Variants in AP3B1 observed in about 807,000 individuals in gnomAD.
AP3B1 encodes AP-3 complex subunit beta-1.
A neutral mutation model predicts 132.5 loss-of-function variants in AP3B1; 61 were observed. The observed-to-expected ratio is 0.46, with a 90% CI of 0.37 to 0.57. The LOEUF is 0.57. Among genes scored for constraint, AP3B1 ranks in the 20% least tolerant of loss-of-function variants. AP3B1 has a pLI of 0.00. For missense variants in AP3B1, 1,120 were observed against 1,289.4 expected (o/e 0.87, Z 2.01); for synonymous variants, 388 against 438.3 (o/e 0.89, Z 1.43).
intron 19 of AP3B1, among the ~76,000 whole-genome samples, chr5:78,110,924 A>G (rs1318271171): frequency 6.6e-6 from 1 of 151,760 alleles, no homozygotes; most frequent in Non-Finnish European, 1.5e-5. Flanking sequence ...ACATCCAGCT[A>G]ATTTTATATT....
chr5:78,155,984 A>T (rs369374148), intron 14 of AP3B1, among the ~76,000 whole-genome samples: 5 of 152,210 alleles, frequency 3.3e-5, no homozygotes, highest in African/African-American at 1.2e-4. Flanking sequence ...TGACACATGA[A>T]CATGCATATA....
intron 2 of AP3B1, among the ~76,000 whole-genome samples, chr5:78,244,949 C>T (rs1021992415): frequency 3.9e-5 from 6 of 151,968 alleles, no homozygotes; most frequent in South Asian, 4.2e-4. Context: ...GAGCCAAGAT[C>T]GCACCCCTGC....
intron 2 of AP3B1, among the ~76,000 whole-genome samples, chr5:78,261,924 G>A (rs1748112139): frequency 6.6e-6 from 1 of 151,782 alleles, no homozygotes; most frequent in African/African-American, 2.4e-5. Flanking sequence ...GCTAATTTTT[G>A]TATTTTTAGT....
At chr5:78,055,016 G>GACACACACACAC (rs3050076) in intron 22 of AP3B1, among the ~76,000 whole-genome samples, 1 of 144,770 alleles carries the variant, frequency 6.9e-6, no homozygotes, top group Non-Finnish European at 1.5e-5. Context: ...CAGACCTACA[G>GACACACACACAC]ACACACACAC....
chr5:78,232,132 C>T (rs1746673433), intron 3 of AP3B1, among the ~76,000 whole-genome samples: 1 of 152,126 alleles, frequency 6.6e-6, no homozygotes, highest in South Asian at 2.1e-4. Flanking sequence ...TCTCATCTTT[C>T]CAGATGGCCC....
intron 26 of AP3B1, among the ~76,000 whole-genome samples, chr5:78,011,566 G>A (rs986799542): frequency 1.3e-5 from 2 of 152,130 alleles, no homozygotes; most frequent in African/African-American, 4.8e-5. Flanking sequence ...AATGTCTCTG[G>A]TTTTTGAAGT....
chr5:78,258,451 T>C (rs1416428508), intron 2 of AP3B1, among the ~76,000 whole-genome samples: 1 of 152,102 alleles, frequency 6.6e-6, no homozygotes, highest in African/African-American at 2.4e-5. Context: ...ACATCACTGA[T>C]CATCAAAGAA....
chr5:78,260,599 T>TA (rs925632031), intron 2 of AP3B1, among the ~76,000 whole-genome samples: 1 of 146,748 alleles, frequency 6.8e-6, no homozygotes, highest in Non-Finnish European at 1.5e-5. Flanking sequence ...ATCTCAAAAA[T>TA]AAAAAATAGA....
At chr5:78,014,959 T>G (rs183089751) in intron 26 of AP3B1, among the ~76,000 whole-genome samples, 206 of 152,294 alleles carry the variant, frequency 1.4e-3, no homozygotes, top group Non-Finnish European at 2.4e-3. Flanking sequence ...TAGCAGCTCT[T>G]TATTTACTGG....
intron 1 of AP3B1, among the ~76,000 whole-genome samples, chr5:78,271,286 T>C (rs763969446): frequency 1.3e-5 from 2 of 152,164 alleles, no homozygotes; most frequent in African/African-American, 2.4e-5. Flanking sequence ...CCTGGCATGG[T>C]GGCACATGCC....
intron 22 of AP3B1, among the ~76,000 whole-genome samples, chr5:78,051,741 T>C (rs1244036150): frequency 1.3e-5 from 2 of 152,174 alleles, no homozygotes; most frequent in African/African-American, 4.8e-5. Flanking sequence ...ATGCTCTTTG[T>C]ATCTAGTTTT....
intron 26 of AP3B1, 106 bp downstream of exon 26, chr5:78,015,304 A>G: frequency 1.7e-6 from 2 of 1,169,932 alleles, no homozygotes; most frequent in South Asian, 1.3e-5. Context: ...GTATATATAT[A>G]TATGTTTAGG....
intron 21 of AP3B1, among the ~76,000 whole-genome samples, chr5:78,091,490 C>G (rs749274601): frequency 6.6e-6 from 1 of 152,134 alleles, no homozygotes; most frequent in Non-Finnish European, 1.5e-5. Context: ...CTTAGACCCA[C>G]ACTGAAAACC....
intron 9 of AP3B1, among the ~76,000 whole-genome samples, chr5:78,176,322 T>C (rs1336208150): frequency 7.3e-5 from 11 of 151,366 alleles, no homozygotes. Context: ...GTCTTTCTGA[T>C]ATCTTTTGAA....
At chr5:78,210,987 A>C (rs781647813) in intron 7 of AP3B1, among the ~76,000 whole-genome samples, 3 of 152,198 alleles carry the variant, frequency 2.0e-5, no homozygotes, top group Non-Finnish European at 4.4e-5. Flanking sequence ...TTGACCTAGA[A>C]TAAAAAACAA....
intron 21 of AP3B1, among the ~76,000 whole-genome samples, chr5:78,090,246 T>C (rs570383801): frequency 6.6e-6 from 1 of 152,364 alleles, no homozygotes; most frequent in African/African-American, 2.4e-5. Flanking sequence ...ACTAGCCACA[T>C]ATGCCTAACA....
At chr5:78,148,656 T>C (rs1753516521) in intron 14 of AP3B1, among the ~76,000 whole-genome samples, 1 of 152,236 alleles carries the variant, frequency 6.6e-6, no homozygotes, top group Non-Finnish European at 1.5e-5. Context: ...AATTTAGCAC[T>C]TTGGTTAGAC....
intron 23 of AP3B1, among the ~76,000 whole-genome samples, chr5:78,037,564 TATAAC>T (rs1270216022): frequency 6.6e-6 from 1 of 152,142 alleles, no homozygotes; most frequent in Non-Finnish European, 1.5e-5. Flanking sequence ...TGTGTAAAAA[TATAAC>T]ACACACACAA....
At chr5:78,127,912 A>C (rs1394651969) in intron 17 of AP3B1, 118 bp downstream of exon 17, 4 of 1,204,034 alleles carry the variant, frequency 3.3e-6, no homozygotes, top group Non-Finnish European at 4.8e-6. Context: ...CATTACATTT[A>C]GAAATACTAG....
Sources: gnomAD v4.1 joint callset for allele counts (sites outside exome capture counted in the v4.1 genomes callset) on GRCh38, gnomAD v4.1.1 for gene constraint, MANE v1.5 for transcripts, NCBI Gene and HGNC (gene_info 2026-07-23, HGNC 2026-07-21) for gene names.